MAPT: variants seen among roughly 807,000 people sequenced by gnomAD.
MAPT encodes the protein microtubule associated protein tau.
A neutral mutation model predicts 67.9 loss-of-function variants in MAPT; 34 were observed. That is an observed-to-expected ratio of 0.50 (90% CI 0.38 to 0.67). The LOEUF (loss-of-function observed/expected upper bound fraction) is 0.67. MAPT is among the 30% of genes least tolerant of loss of function. MAPT has a pLI of 0.00. For missense variants in MAPT, 881 were observed against 1,115.2 expected, an observed-to-expected ratio of 0.79 and a Z score of 2.99; for synonymous variants, 456 against 464.5, an observed-to-expected ratio of 0.98 and a Z score of 0.23.
intron 1 of MAPT, among the ~76,000 whole-genome samples, chr17:45,917,667 C>G (rs1450005557): frequency 6.6e-6 from 1 of 152,160 alleles, no homozygotes; most frequent in Admixed American, 6.5e-5. Context: ...GGTGAGGGAA[C>G]AGTTCCCAAT....
At position 45,906,690 on chromosome 17, in the gene MAPT, G is replaced by A. The variant is rs2064331767; in HGVS notation, c.-18+12004G>A. Reference sequence around the variant, plus strand: ...GGCCAGGTTTGAGTGCCAGTCCTGGGTGTCCAGTGGCCCCATAGCCTTGCG... The same window carrying A: ...GGCCAGGTTTGAGTGCCAGTCCTGGATGTCCAGTGGCCCCATAGCCTTGCG... On this transcript the variant is annotated intron_variant, in intron 1 of 12. Transcript: ENST00000262410. This position sits in a 1 kb window ranked among gnomAD's most constrained non-coding sequence, Gnocchi z 4.3. 6.6e-6 allele frequency among the ~76,000 whole-genome samples: 1 copy of A among 152,110 alleles called. No individual in the cohort carries two copies. The highest frequency in any genetic ancestry group is 2.4e-5 in the African/African-American group (1 of 41,410).
chr17:45,923,080 T>G lies in MAPT; in HGVS notation c.-18+28394T>G, dbSNP rs555703910. Among the ~76,000 whole-genome samples, 9 of 152,254 alleles carry G rather than the reference T, an allele frequency of 5.9e-5. No homozygotes were observed. The South Asian group carries it at 1.9e-3, about 32-fold the overall frequency. On this transcript the variant is annotated intron_variant, in intron 1 of 12. Transcript: ENST00000262410. ...TGGACCCTATGTTCTTATCTCTAAG[T>G]AGGGGCTGGTAATATCTTCCCCTTT...
At chr17:46,020,895 C>T (rs1478411465) in intron 12 of MAPT, among the ~76,000 whole-genome samples, 1 of 152,148 alleles carries the variant, frequency 6.6e-6, no homozygotes, top group East Asian at 1.9e-4. Context: ...GGTATAGGGT[C>T]TGAGACCCAA....
intron 4 of MAPT, chr17:45,980,216 C>T (rs1000444840): frequency 6.6e-6 from 1 of 152,276 alleles, no homozygotes; most frequent in Non-Finnish European, 1.5e-5. Context: ...ATTCTCCCAA[C>T]CAGGCTGGGT....
chr17:45,904,715 T>C (rs2064181505), intron 1 of MAPT, among the ~76,000 whole-genome samples: 1 of 151,762 alleles, frequency 6.6e-6, no homozygotes, highest in Non-Finnish European at 1.5e-5. Flanking sequence ...TTTAATTCTA[T>C]TTATATTTAC....
chr17:45,916,032 G>T (rs1458649307), intron 1 of MAPT, among the ~76,000 whole-genome samples: 1 of 152,156 alleles, frequency 6.6e-6, no homozygotes. Context: ...TTCACACCCT[G>T]CCCACAGTCC....
rs2076808010 is a variant in MAPT, at chr17:46,026,404, C to A, written c.*2233C>A. On this transcript the variant is annotated 3_prime_UTR_variant, in exon 13 of 13. Transcript: ENST00000262410. ...TCAGGGCACAGACTAGGTCTTGTGG[C>A]TGGTCTGGCTTGCGGCGCGAGGATG... The A allele has an allele frequency of 6.6e-6, 1 of 152,518 alleles. No individual in the cohort carries two copies. Among genetic ancestry groups the A allele is most frequent in the Admixed American group, 6.5e-5 (1 of 15,278 alleles). 9.4% of individuals were successfully genotyped at this position (152,518 alleles called of 1,614,324 possible).
intron 10 of MAPT, among the ~76,000 whole-genome samples, chr17:46,013,150 C>G (rs2075935497): frequency 1.3e-5 from 2 of 152,226 alleles, no homozygotes; most frequent in African/African-American, 4.8e-5. Context: ...AGCCAGCTGT[C>G]TCCCAGGAAG....
At chr17:45,908,581 A>G (rs1000429462) in intron 1 of MAPT, among the ~76,000 whole-genome samples, 1 of 152,124 alleles carries the variant, frequency 6.6e-6, no homozygotes. Context: ...GTCTACACCA[A>G]TGTGGTTCAC....
At chr17:45,982,363 T>G (rs2073064050) in intron 4 of MAPT, among the ~76,000 whole-genome samples, 3 of 142,356 alleles carry the variant, frequency 2.1e-5, no homozygotes, top group Admixed American at 7.0e-5. Context: ...AGGAGAACAG[T>G]GAGAGGTAGG....
chr17:45,965,043 CAA>C (rs996483338), intron 2 of MAPT, among the ~76,000 whole-genome samples: 3 of 152,136 alleles, frequency 2.0e-5, no homozygotes, highest in African/African-American at 7.2e-5. Flanking sequence ...CTTTTCCTGA[CAA>C]AGAGAGATGA....
chr17:45,957,025 C>T (rs916937467), intron 1 of MAPT, among the ~76,000 whole-genome samples: 1 of 152,008 alleles, frequency 6.6e-6, no homozygotes, highest in Admixed American at 6.6e-5. Context: ...GGTTCCAAGT[C>T]TTTGCTATTG....
intron 9 of MAPT, among the ~76,000 whole-genome samples, chr17:46,003,356 G>A (rs1000936638): frequency 2.0e-5 from 3 of 151,902 alleles, no homozygotes; most frequent in Middle Eastern, 3.5e-3. Context: ...TCGGCTCACT[G>A]CAACCTCCGC....
intron 1 of MAPT, among the ~76,000 whole-genome samples, chr17:45,902,263 G>A (rs951662881): frequency 6.6e-6 from 1 of 152,102 alleles, no homozygotes; most frequent in Non-Finnish European, 1.5e-5. Flanking sequence ...TAGGGATGGG[G>A]TATCGCCATG....
intron 9 of MAPT, among the ~76,000 whole-genome samples, chr17:45,997,036 C>T (rs1163716106): frequency 6.6e-6 from 1 of 152,230 alleles, no homozygotes; most frequent in Non-Finnish European, 1.5e-5. Context: ...TCCCCACCTG[C>T]CTTCTGGGCA....
intron 7 of MAPT, 89 bp from the exon 8 acceptor site, chr17:45,991,371 C>T (rs2074039547): frequency 1.9e-6 from 3 of 1,553,410 alleles, no homozygotes; most frequent in Non-Finnish European, 2.7e-6. Flanking sequence ...CGTTTTGAGT[C>T]AAGGTGGCGG....
intron 4 of MAPT, among the ~76,000 whole-genome samples, chr17:45,982,484 C>T (rs1410367114): frequency 6.6e-6 from 1 of 152,122 alleles, no homozygotes; most frequent in Non-Finnish European, 1.5e-5. Context: ...AGCCCTCCCG[C>T]TTTCCCAGTA....
At chr17:45,967,216 G>C (rs1343051841) in intron 2 of MAPT, among the ~76,000 whole-genome samples, 1 of 152,212 alleles carries the variant, frequency 6.6e-6, no homozygotes, top group Non-Finnish European at 1.5e-5. Context: ...TGAATTAAAA[G>C]GTGTTGATGA....
intron 1 of MAPT, among the ~76,000 whole-genome samples, chr17:45,933,867 A>C (rs2067092342): frequency 7.2e-6 from 1 of 138,126 alleles, no homozygotes; most frequent in African/African-American, 2.8e-5. Context: ...TTGCTGTTAC[A>C]TTTACTTTTA....
Sources: gnomAD v4.1 joint callset for allele counts (sites outside exome capture counted in the v4.1 genomes callset) on GRCh38, gnomAD v4.1.1 for gene constraint, Gnocchi (gnomAD v3.1) non-coding constraint, MANE v1.5 for transcripts, NCBI Gene and HGNC (gene_info 2026-07-23, HGNC 2026-07-21) for gene names.